TRIQK: variants seen among roughly 807,000 people sequenced by gnomAD.
TRIQK encodes the protein triple QxxK/R motif-containing protein.
A neutral mutation model predicts 10.8 loss-of-function variants in TRIQK; 10 were observed. The observed-to-expected ratio is 0.92, with a 90% CI of 0.57 to 1.57. The LOEUF (loss-of-function observed/expected upper bound fraction) is 1.57, where lower values mean the gene tolerates loss of function less well. Ranked by LOEUF, TRIQK falls within the 40% of genes most tolerant of loss-of-function variation. The pLI, the probability that TRIQK is intolerant of heterozygous loss-of-function variation, is 0.00. For synonymous variants in TRIQK, 33 were observed against 33.7 expected, an observed-to-expected ratio of 0.98 and a Z score of 0.07; for missense variants, 107 against 97.7, an observed-to-expected ratio of 1.09 and a Z score of -0.40.
intron 1 of TRIQK, among the ~76,000 whole-genome samples, chr8:93,004,824 A>G (rs1346220595): frequency 6.6e-6 from 1 of 152,218 alleles, no homozygotes; most frequent in Non-Finnish European, 1.5e-5. Flanking sequence ...AAAGCATAGC[A>G]CAAGTGACCT....
upstream of TRIQK, among the ~76,000 whole-genome samples, chr8:92,966,944 C>A (rs1304454154): frequency 9.6e-6 from 1 of 103,896 alleles, no homozygotes; most frequent in Non-Finnish European, 1.8e-5. Context: ...CCCATCATAT[C>A]TTTTTCCAAA....
intron 2 of TRIQK, chr8:92,929,579 A>G (rs985757108): frequency 2.6e-5 from 4 of 152,198 alleles, no homozygotes; most frequent in Non-Finnish European, 5.9e-5. Flanking sequence ...TACTGCCTGG[A>G]ATAGACAAAA....
At chr8:93,005,698 G>C (rs900553377) in intron 1 of TRIQK, among the ~76,000 whole-genome samples, 3 of 152,104 alleles carry the variant, frequency 2.0e-5, no homozygotes, top group Non-Finnish European at 4.4e-5. Context: ...TGGGAAAATT[G>C]AAAGGTTTTT....
At chr8:92,933,673 A>G (rs993462707) in intron 2 of TRIQK, among the ~76,000 whole-genome samples, 1 of 152,148 alleles carries the variant, frequency 6.6e-6, no homozygotes, top group Non-Finnish European at 1.5e-5. Flanking sequence ...CATCAGTCCT[A>G]TGTGTAGCCA....
chr8:92,968,959 T>C (rs1812846475), upstream of TRIQK, among the ~76,000 whole-genome samples: 2 of 152,194 alleles, frequency 1.3e-5, no homozygotes, highest in South Asian at 4.1e-4. Flanking sequence ...CTTTCATTCA[T>C]CTTGAGTTAA....
intron 1 of TRIQK, among the ~76,000 whole-genome samples, chr8:92,980,895 T>C (rs1392427588): frequency 6.6e-6 from 1 of 151,466 alleles, no homozygotes; most frequent in African/African-American, 2.4e-5. Context: ...TCATTTTCAT[T>C]TTATTAATAT....
chr8:93,007,859 G>T (rs944465534), intron 1 of TRIQK, among the ~76,000 whole-genome samples: 3 of 152,176 alleles, frequency 2.0e-5, no homozygotes, highest in Non-Finnish European at 2.9e-5. Flanking sequence ...AATCTTGTCT[G>T]CCTGTCTTAT....
intron 1 of TRIQK, among the ~76,000 whole-genome samples, chr8:93,010,723 A>G (rs1813323752): frequency 6.6e-6 from 1 of 152,190 alleles, no homozygotes; most frequent in African/African-American, 2.4e-5. Flanking sequence ...TTAATACTAT[A>G]AAATACTTCT....
intron 1 of TRIQK, among the ~76,000 whole-genome samples, chr8:93,000,823 T>C (rs28812525): frequency 0.14 from 19,845 of 140,878 alleles, 1,323 homozygotes; most frequent in East Asian, 0.19. Context: ...CATACACAAA[T>C]GGTAAAGAGA....
At chr8:92,935,747 A>T (rs1428548189) in intron 2 of TRIQK, among the ~76,000 whole-genome samples, 1 of 151,528 alleles carries the variant, frequency 6.6e-6, no homozygotes, top group Non-Finnish European at 1.5e-5. Context: ...TTAGATATTT[A>T]AAAAAAGACT....
chr8:92,892,405 T>C (rs73313290), intron 3 of TRIQK, among the ~76,000 whole-genome samples: 6 of 151,964 alleles, frequency 3.9e-5, no homozygotes, highest in African/African-American at 1.4e-4. Context: ...AGTAAATGAG[T>C]ATATGTAAGA....
intron 2 of TRIQK, among the ~76,000 whole-genome samples, chr8:92,929,122 G>A (rs1026059688): frequency 1.3e-5 from 2 of 152,116 alleles, no homozygotes; most frequent in African/African-American, 4.8e-5. Context: ...ACAAAGTCCA[G>A]GCCTCACCCT....
chr8:93,004,960 T>C (rs1813253416), intron 1 of TRIQK, among the ~76,000 whole-genome samples: 1 of 152,214 alleles, frequency 6.6e-6, no homozygotes, highest in Non-Finnish European at 1.5e-5. Context: ...GTTCCAGACT[T>C]TCCCTCATCT....
intron 1 of TRIQK, among the ~76,000 whole-genome samples, chr8:93,011,047 G>T (rs1813326799): frequency 1.3e-5 from 2 of 152,130 alleles, no homozygotes; most frequent in East Asian, 3.9e-4. Context: ...CACCAAAATG[G>T]TGATACTTAT....
At chr8:92,932,099 A>T (rs1349906463) in intron 2 of TRIQK, among the ~76,000 whole-genome samples, 1 of 151,896 alleles carries the variant, frequency 6.6e-6, no homozygotes, top group Non-Finnish European at 1.5e-5. Context: ...CACTTTCCTG[A>T]TTCTCCTTCT....
intron 1 of TRIQK, among the ~76,000 whole-genome samples, chr8:93,006,214 A>G (rs1449334376): frequency 6.6e-6 from 1 of 152,008 alleles, no homozygotes. Context: ...GCTCCCATCT[A>G]GAAGAACGAA....
At chr8:93,004,926 A>G (rs1217841793) in intron 1 of TRIQK, among the ~76,000 whole-genome samples, 1 of 152,200 alleles carries the variant, frequency 6.6e-6, no homozygotes, top group Non-Finnish European at 1.5e-5. Context: ...TTTTGGCCAC[A>G]ACCATTCAAC....
chr8:92,886,320 T>G lies in TRIQK; in HGVS notation c.*302A>C. 5.6e-6 allele frequency: 1 copy of G among 179,360 alleles called. No individual in the cohort carries two copies. Among genetic ancestry groups the G allele is most frequent in the Admixed American group, 6.1e-5 (1 of 16,502 alleles). The allele number at this position is 179,360 out of a possible 1,614,324, so 11.1% of individuals were successfully genotyped here. ...TCAGGAAGTGATGGAATTATACACA[T>G]AAATTGGCAATGACATTTGAAAAAT... On this transcript the variant is annotated 3_prime_UTR_variant, in exon 5 of 5. Coordinates refer to ENST00000521988, the MANE Select transcript of TRIQK (RefSeq NM_001171797.2).
chr8:93,001,143 TAAAAATACA>T (rs900043861), intron 1 of TRIQK, among the ~76,000 whole-genome samples: 2 of 151,788 alleles, frequency 1.3e-5, no homozygotes, highest in African/African-American at 4.8e-5. Context: ...CCGTCTCTAC[TAAAAATACA>T]AAAAATTAGC....
Sources: gnomAD v4.1 joint callset for allele counts (sites outside exome capture counted in the v4.1 genomes callset) on GRCh38, gnomAD v4.1.1 for gene constraint, MANE v1.5 for transcripts, NCBI Gene and HGNC (gene_info 2026-07-23, HGNC 2026-07-21) for gene names.